Variants in FREM1 observed in about 807,000 individuals in gnomAD.
FREM1 encodes FRAS1 related extracellular matrix 1, also known as FRAS1-related extracellular matrix protein 1.
A neutral mutation model predicts 210.1 loss-of-function variants in FREM1; 220 were observed. The observed-to-expected ratio is 1.05, with a 90% CI of 0.94 to 1.17. The LOEUF (loss-of-function observed/expected upper bound fraction) is 1.17. Ranked by LOEUF, FREM1 falls within the 50% of genes most tolerant of loss-of-function variation. The pLI, the probability that FREM1 is intolerant of heterozygous loss-of-function variation, is 0.00. For missense variants in FREM1, 3,454 were observed against 2,675.5 expected (o/e 1.29, Z -6.42); for synonymous variants, 1,189 against 980.2 (o/e 1.21, Z -3.98).
chr9:14,792,044 C>T (rs927625180), intron 22 of FREM1, among the ~76,000 whole-genome samples: 3 of 152,150 alleles, frequency 2.0e-5, no homozygotes, highest in Admixed American at 6.5e-5. Flanking sequence ...GGGGTTTCAC[C>T]ACGTTGGCCA....
chr9:14,898,357 T>A, intron 1 of FREM1, among the ~76,000 whole-genome samples: 1 of 152,236 alleles, frequency 6.6e-6, no homozygotes, highest in East Asian at 1.9e-4. Flanking sequence ...CCCCTTTCTA[T>A]TCCAGATCTA....
chr9:14,785,338 G>T (rs1462885196), intron 23 of FREM1, among the ~76,000 whole-genome samples: 1 of 152,192 alleles, frequency 6.6e-6, no homozygotes, highest in Non-Finnish European at 1.5e-5. Flanking sequence ...CTGAGAAAAT[G>T]ATAAAAGTAA....
At chr9:14,902,110 T>C (rs1838892407) in intron 1 of FREM1, among the ~76,000 whole-genome samples, 1 of 151,932 alleles carries the variant, frequency 6.6e-6, no homozygotes, top group Non-Finnish European at 1.5e-5. Flanking sequence ...CCTCCCGAAG[T>C]GCTAGGATTA....
At chr9:14,855,023 T>G (rs12003298) in intron 5 of FREM1, among the ~76,000 whole-genome samples, 58 of 152,208 alleles carry the variant, frequency 3.8e-4, no homozygotes, top group African/African-American at 1.2e-3. Flanking sequence ...TGGATACTGA[T>G]AAAAATCCTT....
At chr9:14,885,956 C>A (rs1052086698) in intron 1 of FREM1, among the ~76,000 whole-genome samples, 8 of 152,130 alleles carry the variant, frequency 5.3e-5, no homozygotes, top group African/African-American at 1.9e-4. Flanking sequence ...TTTGGACTAA[C>A]TGAAATTTTG....
rs1015888882 is a variant in FREM1 at position 14,780,434 on chromosome 9, A to G, written c.4442+3936T>C. ...ATCATAAATAGCGCCAGCTCCTCAG[A>G]AAAAAAAAAAAAAAAAGTCCAGCCG... On this transcript the variant is annotated intron_variant, in intron 24 of 36. Transcript: ENST00000380880. 2.6e-4 allele frequency among the ~76,000 whole-genome samples: 19 copies of G among 72,176 alleles called. 1 individual carries two copies. Among genetic ancestry groups the G allele is most frequent in the Admixed American group, 1.3e-3 (10 of 7,916 alleles). 47.4% of individuals were successfully genotyped at this position (72,176 alleles called of 152,430 possible).
intron 2 of FREM1, among the ~76,000 whole-genome samples, chr9:14,865,407 C>T (rs867131301): frequency 1.3e-5 from 2 of 152,176 alleles, no homozygotes; most frequent in East Asian, 3.9e-4. Context: ...ACAGAAGGCA[C>T]TGGTGTGCAT....
At chr9:14,782,964 C>A (rs149722940) in intron 24 of FREM1, among the ~76,000 whole-genome samples, 50 of 152,344 alleles carry the variant, frequency 3.3e-4, no homozygotes, top group African/African-American at 1.2e-3. Flanking sequence ...AACTTCACTA[C>A]TCCATCTCTC....
chr9:14,796,664 C>G (rs1465551139), intron 21 of FREM1, among the ~76,000 whole-genome samples: 1 of 152,118 alleles, frequency 6.6e-6, no homozygotes, highest in East Asian at 1.9e-4. Flanking sequence ...GATAGTGAGT[C>G]AGTTCTCACA....
At chr9:14,873,648 T>G (rs1325021916) in intron 1 of FREM1, among the ~76,000 whole-genome samples, 1 of 152,184 alleles carries the variant, frequency 6.6e-6, no homozygotes, top group East Asian at 1.9e-4. Flanking sequence ...TTTGAAGGGT[T>G]TTTTGTGTCT....
intron 2 of FREM1, among the ~76,000 whole-genome samples, chr9:14,865,385 A>G (rs1367433178): frequency 6.6e-6 from 1 of 152,208 alleles, no homozygotes; most frequent in African/African-American, 2.4e-5. Flanking sequence ...CTATATCAAG[A>G]GGGTTATCTG....
chr9:14,790,686 C>A (rs1409099261), intron 22 of FREM1: 6 of 152,118 alleles, frequency 3.9e-5, no homozygotes. Flanking sequence ...TAAGAGAAGT[C>A]AATAAGAAAA....
intron 1 of FREM1, among the ~76,000 whole-genome samples, chr9:14,900,511 G>C (rs1483215536): frequency 6.6e-6 from 1 of 152,106 alleles, no homozygotes; most frequent in Admixed American, 6.5e-5. Flanking sequence ...CTAGGGCTGG[G>C]GATGCCGCCT....
intron 24 of FREM1, among the ~76,000 whole-genome samples, chr9:14,783,428 A>C (rs2132835902): frequency 6.6e-6 from 1 of 152,290 alleles, no homozygotes; most frequent in Middle Eastern, 3.4e-3. Flanking sequence ...ACGTGGTGAA[A>C]ATTGCACCAG....
In FREM1 at chr9:14,861,245, A is replaced by G. The variant is rs1242057004; in HGVS notation, c.330-1761T>C. Among the ~76,000 whole-genome samples, 132 of 92,428 alleles carry G rather than the reference A, an allele frequency of 1.4e-3. 2 individuals carry two copies. The highest frequency in any genetic ancestry group is 8.3e-3 in the African/African-American group (129 of 15,470). The allele number at this position is 92,428 out of a possible 152,430, so 60.6% of individuals were successfully genotyped here. On this transcript the variant is annotated intron_variant, in intron 3 of 36. Coordinates refer to ENST00000380880, the MANE Select transcript of FREM1 (RefSeq NM_001379081.2). ...CACATATATACACATATATACACAC[A>G]TATATACATATATACACATATACAC... is the stretch of plus-strand genomic sequence containing the variant.
chr9:14,752,621 T>A (rs201128503), intron 29 of FREM1, among the ~76,000 whole-genome samples: 1 of 152,160 alleles, frequency 6.6e-6, no homozygotes, highest in South Asian at 2.1e-4. Context: ...GGCTAGAAGT[T>A]TGAAGACCAC....
chr9:14,880,161 A>T (rs541388828), intron 1 of FREM1, among the ~76,000 whole-genome samples: 1 of 152,270 alleles, frequency 6.6e-6, no homozygotes, highest in African/African-American at 2.4e-5. Flanking sequence ...GGAAGAGGTG[A>T]TCTTGGACTT....
chr9:14,813,969 T>C (rs910993474), intron 15 of FREM1, among the ~76,000 whole-genome samples: 1 of 152,228 alleles, frequency 6.6e-6, no homozygotes, highest in Non-Finnish European at 1.5e-5. Context: ...AGTATTTCTC[T>C]GGCCTTATCC....
intron 6 of FREM1, among the ~76,000 whole-genome samples, chr9:14,849,681 G>C (rs1326418686): frequency 6.6e-6 from 1 of 152,204 alleles, no homozygotes; most frequent in African/African-American, 2.4e-5. Flanking sequence ...CTTTTTTGGA[G>C]GGGTAATGCA....
Sources: gnomAD v4.1 joint callset for allele counts (sites outside exome capture counted in the v4.1 genomes callset) on GRCh38, gnomAD v4.1.1 for gene constraint, MANE v1.5 for transcripts, NCBI Gene and HGNC (gene_info 2026-07-23, HGNC 2026-07-21) for gene names.